Variants in PLXNA4 observed in about 807,000 individuals in gnomAD.
PLXNA4 encodes plexin-A4.
Under a neutral mutation model 191.8 loss-of-function variants are expected in PLXNA4, and 44 were observed. That is an observed-to-expected ratio of 0.23 (90% CI 0.18 to 0.29). The LOEUF (loss-of-function observed/expected upper bound fraction) is 0.29. PLXNA4 is among the 10% of genes least tolerant of loss of function. The pLI, the probability that PLXNA4 is intolerant of heterozygous loss-of-function variation, is 1.00. For missense variants in PLXNA4, 1,800 were observed against 2,488.8 expected, an observed-to-expected ratio of 0.72 and a Z score of 5.89; for synonymous variants, 1,082 against 1,009.5, an observed-to-expected ratio of 1.07 and a Z score of -1.36.
At chr7:132,549,600 C>T (rs1196331971) in intron 1 of PLXNA4, among the ~76,000 whole-genome samples, 4 of 152,162 alleles carry the variant, frequency 2.6e-5, no homozygotes. Flanking sequence ...TAAAATCTTC[C>T]TGGGGGCAGA....
At chr7:132,593,803 G>T (rs1585392291) in intron 2 of PLXNA4, among the ~76,000 whole-genome samples, 1 of 152,246 alleles carries the variant, frequency 6.6e-6, no homozygotes, top group East Asian at 1.9e-4. Flanking sequence ...TACAATAGGG[G>T]ATTTCCCAAA....
chr7:132,324,841 C>T (rs1380549737), intron 3 of PLXNA4, among the ~76,000 whole-genome samples: 6 of 152,034 alleles, frequency 3.9e-5, no homozygotes, highest in Admixed American at 6.5e-5. Flanking sequence ...AACTGAATTT[C>T]GACAAAATAC....
Position 132,214,317 on chromosome 7 carries a change from C to G in PLXNA4, c.2098-3174G>C, listed in dbSNP as rs147775963. 2.6e-5 allele frequency among the ~76,000 whole-genome samples: 4 copies of G among 152,274 alleles called. No individual in the cohort carries two copies. In the East Asian group the frequency reaches 7.7e-4, roughly 29 times the overall value. On this transcript the variant is annotated intron_variant, in intron 9 of 31. Transcript: ENST00000321063. ...CTTAGTGAGGCTTGTGATGAGTTCT[C>G]TAATGAGTCCTGATTATCGGTAGCC... is the stretch of plus-strand genomic sequence containing the variant.
intron 3 of PLXNA4, among the ~76,000 whole-genome samples, chr7:132,321,965 T>G (rs1197021691): frequency 1.3e-5 from 2 of 152,146 alleles, no homozygotes; most frequent in Non-Finnish European, 2.9e-5. Context: ...TTTCCGTGCC[T>G]TTTTTGTCCC....
chr7:132,183,012 T>C (rs6950452), intron 16 of PLXNA4, among the ~76,000 whole-genome samples: 31,099 of 152,102 alleles, frequency 0.2, 3,553 homozygotes, highest in Middle Eastern at 0.35. Flanking sequence ...AAATGAGAAA[T>C]AGCCTGATCC....
chr7:132,551,244 CT>C (rs1372393878), intron 1 of PLXNA4, among the ~76,000 whole-genome samples: 1 of 152,192 alleles, frequency 6.6e-6, no homozygotes, highest in Non-Finnish European at 1.5e-5. Context: ...TCCCTTCTCT[CT>C]TGACCAGATA....
chr7:132,555,503 A>C lies in PLXNA4; in HGVS notation c.-87+20919T>G, dbSNP rs79740954. On this transcript the variant is annotated intron_variant, in intron 1 of 31. Transcript: ENST00000321063. ...TTTAGGAATCTGAAGAACAGGCAACAATTTTCAATAATATTACCTCTCCAC... is the reference window on the plus strand; with the variant it reads ...TTTAGGAATCTGAAGAACAGGCAACCATTTTCAATAATATTACCTCTCCAC... 9.9e-3 allele frequency among the ~76,000 whole-genome samples: 1,501 copies of C among 152,336 alleles called. 23 individuals are homozygous for C. Among genetic ancestry groups the C allele is most frequent in the African/African-American group, 0.034 (1,430 of 41,572 alleles).
intron 4 of PLXNA4, among the ~76,000 whole-genome samples, chr7:132,262,688 C>A (rs1039575122): frequency 6.6e-6 from 1 of 152,092 alleles, no homozygotes; most frequent in Non-Finnish European, 1.5e-5. Context: ...TTATTCCTTG[C>A]GTGCACTAAG....
chr7:132,206,776 A>C (rs1244513085), intron 10 of PLXNA4, among the ~76,000 whole-genome samples: 4 of 152,092 alleles, frequency 2.6e-5, no homozygotes, highest in Non-Finnish European at 4.4e-5. Context: ...GGGAGCCTGG[A>C]CCACGGGCTC....
chr7:132,527,539 C>CAAAAAAAAA (rs34598256), intron 1 of PLXNA4, among the ~76,000 whole-genome samples: 3 of 59,710 alleles, frequency 5.0e-5, no homozygotes, highest in Admixed American at 2.2e-4. Flanking sequence ...GAAACAGACT[C>CAAAAAAAAA]AAAAAAAAAA....
chr7:132,494,577 C>T (rs1240018882), intron 2 of PLXNA4, among the ~76,000 whole-genome samples: 2 of 152,134 alleles, frequency 1.3e-5, no homozygotes, highest in South Asian at 2.1e-4. Flanking sequence ...CAGGGGCCTG[C>T]CACGCAGTGT....
chr7:132,222,944 C>T (rs1012214418), intron 9 of PLXNA4, among the ~76,000 whole-genome samples: 2 of 152,182 alleles, frequency 1.3e-5, no homozygotes, highest in African/African-American at 4.8e-5. Flanking sequence ...GCACCCTGCC[C>T]CCGGAGCTTC....
chr7:132,233,216 G>A (rs888000220), intron 5 of PLXNA4, among the ~76,000 whole-genome samples: 4 of 152,234 alleles, frequency 2.6e-5, no homozygotes, highest in Admixed American at 1.3e-4. Flanking sequence ...TCACATCTGG[G>A]GACCCTGACA....
chr7:132,179,606 A>G, intron 20 of PLXNA4, 81 bp downstream of exon 20: 2 of 1,543,322 alleles, frequency 1.3e-6, no homozygotes, highest in South Asian at 2.4e-5. Flanking sequence ...AAACATATGC[A>G]TACACATACA....
chr7:132,420,428 C>T (rs1159592750), intron 3 of PLXNA4, among the ~76,000 whole-genome samples: 2 of 152,174 alleles, frequency 1.3e-5, no homozygotes, highest in African/African-American at 2.4e-5. Flanking sequence ...TGGGCTCATC[C>T]TCTGGTGCTC....
At chr7:132,532,673 G>A (rs981731239) in intron 1 of PLXNA4, among the ~76,000 whole-genome samples, 4 of 152,050 alleles carry the variant, frequency 2.6e-5, no homozygotes, top group Non-Finnish European at 5.9e-5. Context: ...GAGAATCTTC[G>A]ATGGCTCCCT....
At chr7:132,452,463 G>A (rs911144206) in intron 3 of PLXNA4, among the ~76,000 whole-genome samples, 3 of 152,196 alleles carry the variant, frequency 2.0e-5, no homozygotes, top group Non-Finnish European at 4.4e-5. Flanking sequence ...CAAGGAAAGC[G>A]ATGGTGGCCA....
chr7:132,255,834 C>T (rs10228899), intron 4 of PLXNA4, among the ~76,000 whole-genome samples: 32,035 of 152,208 alleles, frequency 0.21, 3,580 homozygotes, highest in Non-Finnish European at 0.23. Flanking sequence ...TCTTGAATTG[C>T]ATAGGAAGGA....
intron 1 of PLXNA4, among the ~76,000 whole-genome samples, chr7:132,519,570 G>A (rs1250173086): frequency 6.6e-6 from 1 of 152,176 alleles, no homozygotes; most frequent in Non-Finnish European, 1.5e-5. Context: ...ACCAGGAGAG[G>A]AGGCTCACTG....
Sources: gnomAD v4.1 joint callset for allele counts (sites outside exome capture counted in the v4.1 genomes callset) on GRCh38, gnomAD v4.1.1 for gene constraint, MANE v1.5 for transcripts, NCBI Gene and HGNC (gene_info 2026-07-23, HGNC 2026-07-21) for gene names.